The following RHBDD1 variants were observed in gnomAD, a reference collection of about 807,000 sequenced individuals.
RHBDD1 encodes the protein rhomboid-related protein 4.
In RHBDD1, 38 loss-of-function variants were observed where a neutral mutation model predicts 36.3. That is an observed-to-expected ratio of 1.05 (90% confidence interval 0.81 to 1.37). The LOEUF (loss-of-function observed/expected upper bound fraction) is 1.37, where lower values mean the gene tolerates loss of function less well. RHBDD1 is among the 40% of genes most tolerant of loss of function. The pLI, the probability that RHBDD1 is intolerant of heterozygous loss-of-function variation, is 0.00. For synonymous variants in RHBDD1, 151 were observed against 136.5 expected, an observed-to-expected ratio of 1.11 and a Z score of -0.74; for missense variants, 393 against 377.6, an observed-to-expected ratio of 1.04 and a Z score of -0.34.
chr2:226,994,464 C>A (rs182663157), intron 8 of RHBDD1, among the ~76,000 whole-genome samples: 2 of 152,278 alleles, frequency 1.3e-5, no homozygotes, highest in Admixed American at 1.3e-4. Flanking sequence ...GTTGACCTAG[C>A]ATTACAAGAG....
intron 8 of RHBDD1, among the ~76,000 whole-genome samples, chr2:226,969,720 C>T (rs369116776): frequency 4.5e-4 from 69 of 152,254 alleles, no homozygotes; most frequent in African/African-American, 1.6e-3. Flanking sequence ...TCCATATGTT[C>T]CTGAGTCACT....
At chr2:226,989,353 A>C in intron 8 of RHBDD1, among the ~76,000 whole-genome samples, 1 of 152,210 alleles carries the variant, frequency 6.6e-6, no homozygotes, top group East Asian at 1.9e-4. Flanking sequence ...TATAGTTAGA[A>C]ATCAGGATCA....
chr2:226,882,901 T>G (rs577804264), intron 5 of RHBDD1, among the ~76,000 whole-genome samples: 56 of 152,300 alleles, frequency 3.7e-4, no homozygotes, highest in Non-Finnish European at 6.2e-4. Flanking sequence ...TCTCACTGTG[T>G]CCTCATGTGG....
rs1048332268 is a variant in RHBDD1, at chr2:226,996,890, A to G, written c.*1368A>G. On this transcript the variant is annotated 3_prime_UTR_variant, in exon 9 of 9. Transcript: ENST00000392062. ...TGTGTCCATTGAGAAAATTCACAAT[A>G]TAAACAGAAATACAAATAAATACAT... 6.6e-6 allele frequency: 1 copy of G among 152,270 alleles called. No individual in the cohort carries two copies. The highest frequency in any genetic ancestry group is 1.5e-5 in the Non-Finnish European group (1 of 68,048). 9.4% of individuals were successfully genotyped at this position (152,270 alleles called of 1,614,324 possible).
At chr2:226,856,262 G>A (rs1285697406) in intron 3 of RHBDD1, among the ~76,000 whole-genome samples, 1 of 152,102 alleles carries the variant, frequency 6.6e-6, no homozygotes, top group Non-Finnish European at 1.5e-5. Context: ...TTTTTGAAAT[G>A]TATTCATGTA....
chr2:226,885,255 A>C (rs1946110792), intron 5 of RHBDD1, among the ~76,000 whole-genome samples: 1 of 152,182 alleles, frequency 6.6e-6, no homozygotes, highest in Non-Finnish European at 1.5e-5. Flanking sequence ...AAACATTCTG[A>C]AAAGTAATTT....
chr2:226,838,485 C>A (rs746804723), intron 2 of RHBDD1, among the ~76,000 whole-genome samples: 4 of 152,108 alleles, frequency 2.6e-5, no homozygotes, highest in Non-Finnish European at 5.9e-5. Context: ...TAACATCCTC[C>A]CCACTTGAAT....
intron 8 of RHBDD1, among the ~76,000 whole-genome samples, chr2:226,950,409 T>G (rs1201276029): frequency 6.6e-6 from 1 of 152,224 alleles, no homozygotes; most frequent in Non-Finnish European, 1.5e-5. Flanking sequence ...TAGTATTCAT[T>G]GTGTATATGT....
At chr2:226,950,855 A>T (rs1047283467) in intron 8 of RHBDD1, among the ~76,000 whole-genome samples, 2 of 152,022 alleles carry the variant, frequency 1.3e-5, no homozygotes, top group Non-Finnish European at 2.9e-5. Context: ...TGAGTTTCTT[A>T]TGTTTTTTAT....
chr2:226,870,404 AATTTT>A (rs1468470798), intron 5 of RHBDD1, among the ~76,000 whole-genome samples: 1 of 152,190 alleles, frequency 6.6e-6, no homozygotes, highest in Non-Finnish European at 1.5e-5. Context: ...GCTGTTATTT[AATTTT>A]GTTTGTTTGA....
At chr2:226,933,796 A>G (rs1950175075) in intron 8 of RHBDD1, among the ~76,000 whole-genome samples, 1 of 152,172 alleles carries the variant, frequency 6.6e-6, no homozygotes, top group Admixed American at 6.6e-5. Flanking sequence ...TCTACATCCC[A>G]AGAGGAAGCT....
chr2:226,936,070 C>A (rs1950313580), intron 8 of RHBDD1, among the ~76,000 whole-genome samples: 1 of 151,964 alleles, frequency 6.6e-6, no homozygotes, highest in African/African-American at 2.4e-5. Flanking sequence ...ATGTTCTCCC[C>A]CAGGAAAACT....
chr2:226,860,008 AT>A (rs1450156467), intron 3 of RHBDD1, among the ~76,000 whole-genome samples: 6 of 140,586 alleles, frequency 4.3e-5, no homozygotes, highest in African/African-American at 1.9e-4. Flanking sequence ...AAGTAGATTG[AT>A]AAAAAAAAAC....
intron 3 of RHBDD1, among the ~76,000 whole-genome samples, chr2:226,842,386 T>A (rs1316016576): frequency 6.6e-6 from 1 of 152,206 alleles, no homozygotes; most frequent in Non-Finnish European, 1.5e-5. Flanking sequence ...CTGAATGGTA[T>A]TACCTAGATT....
intron 8 of RHBDD1, among the ~76,000 whole-genome samples, chr2:226,938,755 C>T (rs1176313298): frequency 6.6e-6 from 1 of 150,568 alleles, no homozygotes; most frequent in Non-Finnish European, 1.5e-5. Context: ...AAAAAAAAAA[C>T]GGACTCCTTG....
chr2:226,902,283 C>G lies in RHBDD1; in HGVS notation c.567-4510C>G, dbSNP rs551469366. On this transcript the variant is annotated intron_variant, in intron 5 of 8. Coordinates refer to ENST00000392062, the MANE Select transcript of RHBDD1 (RefSeq NM_001167608.3). ...ATACTGTCTGGTTTTGATGCTGTTA[C>G]GTTTGAAGGTAGATCCCAGCCACTG... Among the ~76,000 whole-genome samples, 3 of 152,268 alleles carry G rather than the reference C, an allele frequency of 2.0e-5. No individual in the cohort carries two copies. The South Asian group carries it at 6.2e-4, about 32-fold the overall frequency.
At chr2:226,931,106 C>A (rs1002465422) in intron 8 of RHBDD1, among the ~76,000 whole-genome samples, 1 of 152,022 alleles carries the variant, frequency 6.6e-6, no homozygotes, top group Admixed American at 6.6e-5. Context: ...AAATGTAGAT[C>A]TTCCATTTGA....
intron 8 of RHBDD1, among the ~76,000 whole-genome samples, chr2:226,932,394 G>A (rs1414981624): frequency 6.6e-6 from 1 of 152,032 alleles, no homozygotes; most frequent in Non-Finnish European, 1.5e-5. Context: ...TCGATTTAAT[G>A]AATTCTGTTA....
chr2:226,876,372 C>G lies in RHBDD1; in HGVS notation c.566+9054C>G, dbSNP rs149675727. On this transcript the variant is annotated intron_variant, in intron 5 of 8. Coordinates refer to ENST00000392062, the MANE Select transcript of RHBDD1 (RefSeq NM_001167608.3). ...GAGCAGCCTCACGGGAGAGCAGTTT[C>G]CAAGGCCCAGTGACAGTTCATGGGC... Among the ~76,000 whole-genome samples, 1,328 of 152,296 alleles carry G rather than the reference C, an allele frequency of 8.7e-3. 6 individuals are homozygous for G. Among genetic ancestry groups the G allele is most frequent in the Middle Eastern group, 0.037 (11 of 294 alleles).
Sources: gnomAD v4.1 joint callset for allele counts (sites outside exome capture counted in the v4.1 genomes callset) on GRCh38, gnomAD v4.1.1 for gene constraint, MANE v1.5 for transcripts, NCBI Gene and HGNC (gene_info 2026-07-23, HGNC 2026-07-21) for gene names.